The following XPO1 variants were observed in gnomAD, a reference collection of about 807,000 sequenced individuals.
XPO1 encodes the protein exportin-1.
A neutral mutation model predicts 133.3 loss-of-function variants in XPO1; 5 were observed. The ratio of observed to expected loss-of-function variants is 0.04; its 90% CI spans 0.02 to 0.08. The LOEUF is 0.08. Ranked by LOEUF, XPO1 falls within the 10% of genes least tolerant of loss-of-function variation. The pLI is 1.00. For synonymous variants in XPO1, 419 were observed against 408.2 expected (o/e 1.03, Z -0.32); for missense variants, 506 against 1,267.5 (o/e 0.40, Z 9.12).
At chr2:61,498,630 T>C (rs1175652136) in intron 9 of XPO1, 43 bp downstream of exon 9, 2 of 1,606,628 alleles carry the variant, frequency 1.2e-6, no homozygotes, top group South Asian at 1.1e-5. Flanking sequence ...AAAGAATATA[T>C]GTGGCTATCC....
intron 4 of XPO1, among the ~76,000 whole-genome samples, chr2:61,502,928 T>C (rs1285540508): frequency 1.3e-5 from 2 of 150,780 alleles, no homozygotes; most frequent in Admixed American, 1.3e-4. Context: ...GCTATTCCAG[T>C]TTCTTTCATC....
intron 4 of XPO1, among the ~76,000 whole-genome samples, chr2:61,506,271 A>G (rs1254519983): frequency 6.6e-6 from 1 of 152,104 alleles, no homozygotes; most frequent in African/African-American, 2.4e-5. Context: ...AAATACAACA[A>G]AATTAGCCAG....
intron 11 of XPO1, chr2:61,494,772 G>GTGTA (rs71405127): frequency 9.5e-5 from 14 of 147,524 alleles, no homozygotes; most frequent in Non-Finnish European, 1.5e-4. Context: ...GTGTGTGTGT[G>GTGTA]TATATATATA....
intron 17 of XPO1, among the ~76,000 whole-genome samples, chr2:61,489,998 C>T (rs997717391): frequency 1.3e-5 from 2 of 151,244 alleles, no homozygotes; most frequent in Admixed American, 1.3e-4. Context: ...TCAAGCCATT[C>T]TCCTGGCTCA....
intron 12 of XPO1, 88 bp downstream of exon 12, chr2:61,493,802 CTAAT>C (rs756188290): frequency 1.6e-5 from 22 of 1,363,338 alleles, no homozygotes; most frequent in Non-Finnish European, 2.2e-5. Context: ...CTTTTTATAG[CTAAT>C]TTATTTACAC....
intron 12 of XPO1, chr2:61,493,615 G>C (rs763392999): frequency 4.7e-5 from 14 of 299,528 alleles, no homozygotes; most frequent in Non-Finnish European, 8.6e-5. Context: ...GGAGTTTCCT[G>C]TGTCTCATTC....
At chr2:61,536,049 G>GAAAAT in intron 1 of XPO1, among the ~76,000 whole-genome samples, 1 of 152,250 alleles carries the variant, frequency 6.6e-6, no homozygotes, top group Middle Eastern at 3.4e-3. Context: ...AAAGGATTAA[G>GAAAAT]AAAATGACTC....
At chr2:61,503,980 G>A (rs1343289091) in intron 4 of XPO1, among the ~76,000 whole-genome samples, 2 of 152,226 alleles carry the variant, frequency 1.3e-5, no homozygotes, top group African/African-American at 4.8e-5. Flanking sequence ...TAGAGGCGGA[G>A]GCTGCAGTGA....
Position 61,483,006 on chromosome 2 carries a change from A to T in XPO1, c.2763T>A (p.Asp921Glu). 6.2e-7 allele frequency: 1 copy of T among 1,613,934 alleles called. No individual in the cohort carries two copies. The highest frequency in any genetic ancestry group is 8.5e-7 in the Non-Finnish European group (1 of 1,179,998). ...AQSFYQTYFC[D>E]ILQHIFSVVT... is the part of the protein sequence containing the mutation. The stretch of plus-strand genomic sequence containing the variant: ...CAACAGAAAAGATATGCTGGAGAAT[A>T]TCACAAAAATAAGTTTGATAAAAAC... The change falls in exon 22 of 25, where the codon GAT becomes GAA. Residue 921 changes from aspartate (D) to glutamate (E), a missense_variant. Transcript: ENST00000401558.
chr2:61,522,890 C>CATA (rs1698758420), intron 3 of XPO1, among the ~76,000 whole-genome samples: 1 of 152,188 alleles, frequency 6.6e-6, no homozygotes, highest in Non-Finnish European at 1.5e-5. Context: ...GTTTGCTACT[C>CATA]TATATAACGT....
At chr2:61,498,649 A>C in intron 9 of XPO1, 24 bp downstream of exon 9, 1 of 1,610,492 alleles carries the variant, frequency 6.2e-7, no homozygotes, top group Non-Finnish European at 8.5e-7. Flanking sequence ...CCGGTGACAA[A>C]TAACTGAAAT....
At chr2:61,536,009 T>C (rs1273995226) in intron 1 of XPO1, among the ~76,000 whole-genome samples, 1 of 152,200 alleles carries the variant, frequency 6.6e-6, no homozygotes, top group Non-Finnish European at 1.5e-5. Context: ...TTTTCACCTA[T>C]TTACTACCAT....
intron 12 of XPO1, chr2:61,493,576 T>A (rs553422990): frequency 1.2e-4 from 32 of 260,070 alleles, no homozygotes; most frequent in Non-Finnish European, 1.5e-4. Flanking sequence ...TGTGTTTTAA[T>A]GTGATTTTTT....
At position 61,490,631 on chromosome 2, in the gene XPO1, G is replaced by A. The variant is rs1696935429; in HGVS notation, c.2022+11C>T. The A allele has an allele frequency of 3.7e-6, 6 of 1,613,740 alleles. No individual in the cohort carries two copies. Among genetic ancestry groups the A allele is most frequent in the Non-Finnish European group, 5.1e-6 (6 of 1,179,938 alleles). On this transcript the variant is annotated intron_variant, in intron 17 of 24. Coordinates refer to ENST00000401558, the MANE Select transcript of XPO1 (RefSeq NM_003400.4). The stretch of plus-strand genomic sequence containing the variant: ...CCATGAAAACTTTTAAGAAAAGGTA[G>A]AAATACTTACTTTGGTTGCCTGCTG...
At chr2:61,506,406 G>A (rs543714333) in intron 4 of XPO1, among the ~76,000 whole-genome samples, 119 of 152,240 alleles carry the variant, frequency 7.8e-4, no homozygotes, top group Middle Eastern at 3.4e-3. Context: ...CTGGGTGACA[G>A]AGCAAGACTC....
At chr2:61,526,643 C>T (rs1164404164) in intron 2 of XPO1, 122 bp from the exon 3 acceptor site, 8 of 632,554 alleles carry the variant, frequency 1.3e-5, no homozygotes, top group African/African-American at 1.9e-5. Context: ...TATTGATGTT[C>T]AGAAATACTC....
intron 22 of XPO1, 64 bp from the exon 23 acceptor site, chr2:61,482,603 TTTTG>T (rs1392804239): frequency 2.3e-6 from 3 of 1,320,486 alleles, no homozygotes; most frequent in African/African-American, 2.2e-5. Context: ...TAGCGTTTTT[TTTTG>T]TTTTGTTTTT....
At chr2:61,529,049 T>C (rs1402028738) in intron 2 of XPO1, among the ~76,000 whole-genome samples, 2 of 151,210 alleles carry the variant, frequency 1.3e-5, no homozygotes, top group African/African-American at 4.9e-5. Context: ...ATGAGCCAGG[T>C]GTGGTGGGAC....
At chr2:61,499,614 A>C (rs1697407118) in intron 7 of XPO1, 99 bp downstream of exon 7, 3 of 1,163,526 alleles carry the variant, frequency 2.6e-6, no homozygotes, top group Non-Finnish European at 3.5e-6. Context: ...TTAACATATT[A>C]CTGATCATAG....
Sources: allele counts gnomAD v4.1 joint callset (sites outside exome capture counted in the v4.1 genomes callset), GRCh38; gene constraint gnomAD v4.1.1; transcripts MANE v1.5; gene names NCBI Gene and HGNC (gene_info 2026-07-23, HGNC 2026-07-21).